CA13: variants seen among roughly 807,000 people sequenced by gnomAD.
CA13 encodes CA-XIII.
CA13 carries 21 observed loss-of-function variants against 31.5 expected under a neutral mutation model. The ratio of observed to expected loss-of-function variants is 0.67; its 90% CI spans 0.47 to 0.96. The LOEUF (loss-of-function observed/expected upper bound fraction) is 0.96. CA13 is among the 40% of genes least tolerant of loss of function. The pLI is 0.00. For synonymous variants in CA13, 117 were observed against 111.4 expected (o/e 1.05, Z -0.32); for missense variants, 315 against 318.9 (o/e 0.99, Z 0.09).
chr8:85,245,731 G>GGTCCC lies in CA13; in HGVS notation c.-96_-92dup, dbSNP rs1436262824. The stretch of plus-strand genomic sequence containing the variant: ...CGCACTCCTGCCGCCGGCGCCCCGC[G>GGTCCC]GTCCCGCCCTAGCAGGCTCCTTCCC... On this transcript the variant is annotated 5_prime_UTR_variant, in exon 1 of 7. Coordinates refer to ENST00000321764, the MANE Select transcript of CA13 (RefSeq NM_198584.3). 2.1e-6 allele frequency: 3 copies of GGTCCC among 1,420,192 alleles called. No individual in the cohort carries two copies. In the African/African-American group the frequency reaches 4.2e-5, roughly 20 times the overall value. The allele number at this position is 1,420,192 out of a possible 1,614,324, so 88.0% of individuals were successfully genotyped here. A position where few individuals can be genotyped will look rare whatever the true frequency, so the allele number is the denominator to read the frequency against.
At chr8:85,271,155 A>C (rs1807520966) in intron 6 of CA13, among the ~76,000 whole-genome samples, 1 of 152,246 alleles carries the variant, frequency 6.6e-6, no homozygotes, top group African/African-American at 2.4e-5. Flanking sequence ...ATTCAGTCCC[A>C]GTCTAACCAT....
At chr8:85,249,545 A>C (rs937458731) in intron 1 of CA13, among the ~76,000 whole-genome samples, 1 of 151,804 alleles carries the variant, frequency 6.6e-6, no homozygotes, top group Non-Finnish European at 1.5e-5. Flanking sequence ...TTTGTTGATG[A>C]TTGTGATATA....
chr8:85,266,632 G>C lies in CA13; in HGVS notation c.379G>C (p.Asp127His), dbSNP rs2129984251. 1 of 1,613,926 alleles carries C rather than the reference G, an allele frequency of 6.2e-7. No homozygotes were observed. Among genetic ancestry groups the C allele is most frequent in the East Asian group, 2.2e-5 (1 of 44,864 alleles). Residue 127 changes from aspartate to histidine, a missense_variant, in exon 4 of 7, where the codon GAC (aspartate) becomes CAC (histidine). Coordinates refer to ENST00000321764, the MANE Select transcript of CA13 (RefSeq NM_198584.3). Reference sequence around the variant, plus strand: ...GCTCCATGTTGTTCACTGGAATTCAGACAAATACCCCAGCTTTGTTGAGGC... The same window carrying C: ...GCTCCATGTTGTTCACTGGAATTCACACAAATACCCCAGCTTTGTTGAGGC... ...AELHVVHWNS[D>H]KYPSFVEAAH... is the part of the protein sequence containing the mutation.
At chr8:85,256,693 A>C (rs1268161645) in intron 2 of CA13, among the ~76,000 whole-genome samples, 1 of 152,238 alleles carries the variant, frequency 6.6e-6, no homozygotes, top group East Asian at 1.9e-4. Flanking sequence ...ACAATTATAT[A>C]AAGCTCTATT....
At position 85,274,386 on chromosome 8, in the gene CA13, A is replaced by G. The variant is rs149367728; in HGVS notation, c.669+5759A>G. Among the ~76,000 whole-genome samples, 158 of 152,278 alleles carry G rather than the reference A, an allele frequency of 1.0e-3. 2 individuals are homozygous for G. In the East Asian group the frequency reaches 0.026, roughly 25 times the overall value. The stretch of plus-strand genomic sequence containing the variant: ...ACAGGGGAGAAACAGGAGGAACCCA[A>G]TGATGAAGATTACTGTCCCTACCAG... On this transcript the variant is annotated intron_variant, in intron 6 of 6. Coordinates refer to ENST00000321764, the MANE Select transcript of CA13 (RefSeq NM_198584.3).
intron 6 of CA13, among the ~76,000 whole-genome samples, chr8:85,275,314 G>A (rs968250379): frequency 2.6e-5 from 4 of 152,088 alleles, no homozygotes; most frequent in East Asian, 3.9e-4. Flanking sequence ...TATGCACACC[G>A]TCCCTGTTAC....
chr8:85,245,721 G>T lies in CA13; in HGVS notation c.-108G>T. ...TTCACGGTCTCGCACTCCTGCCGCC[G>T]GCGCCCCGCGGTCCCGCCCTAGCAG... On this transcript the variant is annotated 5_prime_UTR_variant, in exon 1 of 7. Transcript: ENST00000321764. 9 of 1,309,146 alleles carry T rather than the reference G, an allele frequency of 6.9e-6. No homozygotes were observed. Among genetic ancestry groups the T allele is most frequent in the Non-Finnish European group, 9.9e-6 (9 of 912,992 alleles). The allele number at this position is 1,309,146 out of a possible 1,614,324, so 81.1% of individuals were successfully genotyped here. A position where few individuals can be genotyped will look rare whatever the true frequency, so the allele number is the denominator to read the frequency against.
Position 85,256,081 on chromosome 8 carries a change from T to A in CA13, c.236-3340T>A, listed in dbSNP as rs367619986. ...TGACGGAAAGACATGGAAAATACCATGACATAGCATTGGGATGCCTTAGCA... is the reference window on the plus strand; with the variant it reads ...TGACGGAAAGACATGGAAAATACCAAGACATAGCATTGGGATGCCTTAGCA... On this transcript the variant is annotated intron_variant, in intron 2 of 6. Transcript: ENST00000321764. Among the ~76,000 whole-genome samples the A allele has an allele frequency of 6.3e-4, 95 of 151,402 alleles. 1 individual carries two copies. Among genetic ancestry groups the A allele is most frequent in the African/African-American group, 2.3e-3 (95 of 41,302 alleles).
chr8:85,249,020 C>T (rs1813780107), intron 1 of CA13, among the ~76,000 whole-genome samples: 1 of 152,150 alleles, frequency 6.6e-6, no homozygotes, highest in African/African-American at 2.4e-5. Context: ...TTCTGTAATA[C>T]ATTCTAAGCA....
In CA13 at chr8:85,259,528, T is replaced by C; in HGVS notation, c.343T>C (p.Tyr115His). ...GSEHIVDGVS[Y>H]AAELHVVHWN... ...CGAGCACATAGTAGATGGAGTGAGC[T>C]ATGCTGCAGAGGTAAGCCATAAGAC... is the stretch of plus-strand genomic sequence containing the variant. The change falls in exon 3 of 7, where the codon TAT (tyrosine) becomes CAT (histidine). Residue 115 changes from tyrosine to histidine, a missense_variant. Transcript: ENST00000321764. 6.2e-7 allele frequency: 1 copy of C among 1,613,652 alleles called. No individual in the cohort carries two copies. Among genetic ancestry groups the C allele is most frequent in the East Asian group, 2.2e-5 (1 of 44,878 alleles).
chr8:85,268,664 A>G, intron 6 of CA13, 37 bp downstream of exon 6: 6 of 1,496,866 alleles, frequency 4.0e-6, no homozygotes, highest in Non-Finnish European at 5.4e-6. Flanking sequence ...TGATTCCCTC[A>G]GAGGAAACTG....
At chr8:85,247,806 A>C (rs1204462110) in intron 1 of CA13, among the ~76,000 whole-genome samples, 2 of 152,022 alleles carry the variant, frequency 1.3e-5, no homozygotes, top group African/African-American at 2.4e-5. Context: ...CCAGACCTCA[A>C]GTGATCTGCC....
In CA13 at chr8:85,275,316, C is replaced by T. The variant is rs141830868; in HGVS notation, c.670-5914C>T. Reference sequence around the variant, plus strand: ...TCCACTTGCGGGATATGCACACCGTCCCTGTTACTGGAAGTGTGCAGGACT... The same window carrying T: ...TCCACTTGCGGGATATGCACACCGTTCCTGTTACTGGAAGTGTGCAGGACT... On this transcript the variant is annotated intron_variant, in intron 6 of 6. Transcript: ENST00000321764. Among the ~76,000 whole-genome samples, 27 of 152,212 alleles carry T rather than the reference C, an allele frequency of 1.8e-4. No individual in the cohort carries two copies. The East Asian group carries it at 5.2e-3, about 29-fold the overall frequency.
At chr8:85,254,352 C>CT in intron 2 of CA13, among the ~76,000 whole-genome samples, 1 of 151,204 alleles carries the variant, frequency 6.6e-6, no homozygotes, top group Middle Eastern at 3.5e-3. Context: ...TCATCTAAAA[C>CT]TTTAAGTATA....
chr8:85,266,571 C>T (rs1417249535), intron 3 of CA13, 37 bp from the exon 4 acceptor site: 1 of 1,498,962 alleles, frequency 6.7e-7, no homozygotes, highest in Non-Finnish European at 9.2e-7. Context: ...GGATGTCTAA[C>T]AAAACATTCC....
At chr8:85,262,072 A>T (rs1807387585) in intron 3 of CA13, among the ~76,000 whole-genome samples, 1 of 152,240 alleles carries the variant, frequency 6.6e-6, no homozygotes, top group Non-Finnish European at 1.5e-5. Context: ...AACTCCTTGA[A>T]TGCATATTAA....
Position 85,267,892 on chromosome 8 carries a change from A to T in CA13, c.451-10A>T, listed in dbSNP as rs1428247951. On this transcript the variant is annotated splice_polypyrimidine_tract_variant and intron_variant, in intron 4 of 6. Transcript: ENST00000321764. ...CAGTAACCATTTCTTTTGAAATTTCATGTTTTTAGATTGGTGAACCTAATT... is the reference window on the plus strand; with the variant it reads ...CAGTAACCATTTCTTTTGAAATTTCTTGTTTTTAGATTGGTGAACCTAATT... The T allele has an allele frequency of 6.4e-7, 1 of 1,561,480 alleles. No homozygotes were observed. Among genetic ancestry groups the T allele is most frequent in the Non-Finnish European group, 8.8e-7 (1 of 1,137,456 alleles).
intron 6 of CA13, among the ~76,000 whole-genome samples, chr8:85,278,579 C>T (rs1277333802): frequency 6.6e-6 from 1 of 152,074 alleles, no homozygotes; most frequent in Non-Finnish European, 1.5e-5. Flanking sequence ...GGAAATGTTT[C>T]CACTAAAATG....
intron 1 of CA13, among the ~76,000 whole-genome samples, chr8:85,250,081 A>G (rs1813800145): frequency 6.6e-6 from 1 of 152,230 alleles, no homozygotes; most frequent in Non-Finnish European, 1.5e-5. Flanking sequence ...GAAAGAGAGA[A>G]ATAAATTACA....
Sources: allele counts gnomAD v4.1 joint callset (sites outside exome capture counted in the v4.1 genomes callset), GRCh38; gene constraint gnomAD v4.1.1; transcripts MANE v1.5; gene names NCBI Gene and HGNC (gene_info 2026-07-23, HGNC 2026-07-21).